The following LIPI variants were observed in gnomAD, a reference collection of about 807,000 sequenced individuals.
LIPI encodes the protein lipase member I.
Under a neutral mutation model 50.6 loss-of-function variants are expected in LIPI, and 59 were observed. The observed-to-expected ratio is 1.16, with a 90% CI of 0.94 to 1.45. LIPI has a LOEUF of 1.45. Among genes scored for constraint, LIPI ranks in the 40% most tolerant of loss-of-function variants. LIPI has a pLI of 0.00. For missense variants in LIPI, 586 were observed against 536.3 expected, an observed-to-expected ratio of 1.09 and a Z score of -0.92; for synonymous variants, 203 against 178.2, an observed-to-expected ratio of 1.14 and a Z score of -1.11.
At chr21:14,210,214 T>A (rs1336248457) in intron 1 of LIPI, among the ~76,000 whole-genome samples, 1 of 151,936 alleles carries the variant, frequency 6.6e-6, no homozygotes, top group Non-Finnish European at 1.5e-5. Flanking sequence ...AATTCTACTT[T>A]CTCATAAAGT....
chr21:14,153,831 T>C (rs1389338476), intron 7 of LIPI, among the ~76,000 whole-genome samples: 2 of 152,186 alleles, frequency 1.3e-5, no homozygotes, highest in Non-Finnish European at 2.9e-5. Context: ...AGGAAAATTC[T>C]TCCTATTTTT....
intron 9 of LIPI, among the ~76,000 whole-genome samples, chr21:14,119,036 G>T (rs1277434133): frequency 6.6e-6 from 1 of 152,174 alleles, no homozygotes; most frequent in Non-Finnish European, 1.5e-5. Context: ...ACAAATACCT[G>T]CTAGTGCTGC....
At chr21:14,126,312 T>C (rs1331236102) in intron 9 of LIPI, among the ~76,000 whole-genome samples, 1 of 152,216 alleles carries the variant, frequency 6.6e-6, no homozygotes, top group African/African-American at 2.4e-5. Context: ...GTCCTCTTAC[T>C]GGTGGATGAA....
chr21:14,172,019 A>G (rs1374905296), intron 4 of LIPI, among the ~76,000 whole-genome samples: 1 of 152,106 alleles, frequency 6.6e-6, no homozygotes, highest in East Asian at 1.9e-4. Context: ...CAAATTTACA[A>G]GAAAAAAACA....
chr21:14,182,226 A>G (rs1246671175), intron 3 of LIPI, among the ~76,000 whole-genome samples: 1 of 152,186 alleles, frequency 6.6e-6, no homozygotes, highest in Non-Finnish European at 1.5e-5. Flanking sequence ...TGAACTCTGT[A>G]CATTACTAGC....
chr21:14,183,845 T>C (rs1158082368), intron 3 of LIPI, among the ~76,000 whole-genome samples: 1 of 152,150 alleles, frequency 6.6e-6, no homozygotes, highest in South Asian at 2.1e-4. Context: ...GGAGAGGATG[T>C]GGAGAAATAG....
At chr21:14,131,524 C>A (rs1453056949) in intron 9 of LIPI, among the ~76,000 whole-genome samples, 3 of 152,106 alleles carry the variant, frequency 2.0e-5, no homozygotes, top group African/African-American at 7.2e-5. Flanking sequence ...CCAATATATC[C>A]TACTCAACCA....
intron 1 of LIPI, among the ~76,000 whole-genome samples, chr21:14,196,128 T>TG (rs1164356641): frequency 9.5e-5 from 14 of 147,406 alleles, no homozygotes; most frequent in Admixed American, 7.5e-4. Context: ...TTCGTAGCGT[T>TG]TTTTTTTTTT....
At chr21:14,133,996 C>T (rs767466508) in intron 9 of LIPI, among the ~76,000 whole-genome samples, 1 of 152,068 alleles carries the variant, frequency 6.6e-6, no homozygotes, top group Non-Finnish European at 1.5e-5. Flanking sequence ...GAGGCTGAAG[C>T]TGGAGGATTG....
intron 7 of LIPI, among the ~76,000 whole-genome samples, chr21:14,156,884 A>G (rs2018291628): frequency 1.3e-5 from 2 of 151,878 alleles, no homozygotes; most frequent in South Asian, 4.1e-4. Flanking sequence ...GGTGAGAAAT[A>G]TGGATGTCTA....
chr21:14,161,970 A>G (rs898367570), intron 7 of LIPI, among the ~76,000 whole-genome samples: 1 of 142,452 alleles, frequency 7.0e-6, no homozygotes, highest in African/African-American at 2.6e-5. Flanking sequence ...ACTCAGCATA[A>G]TTCCCTGGAG....
At chr21:14,202,474 C>T (rs1446874189) in intron 1 of LIPI, among the ~76,000 whole-genome samples, 1 of 151,946 alleles carries the variant, frequency 6.6e-6, no homozygotes, top group Admixed American at 6.6e-5. Flanking sequence ...GGTACTGGTA[C>T]CAAAACAGAG....
chr21:14,167,333 C>T (rs1004330105), intron 4 of LIPI, among the ~76,000 whole-genome samples: 4 of 152,210 alleles, frequency 2.6e-5, no homozygotes, highest in African/African-American at 9.6e-5. Flanking sequence ...ACTTAAATGT[C>T]TCTGTCTGAC....
rs556128105 is a variant in LIPI at position 14,190,056 on chromosome 21, A to G, written c.47-637T>C. 3.7e-4 allele frequency among the ~76,000 whole-genome samples: 56 copies of G among 152,212 alleles called. No individual in the cohort carries two copies. In the South Asian group the frequency reaches 0.011, roughly 30 times the overall value. ...ATTTGTAATAAGTGTAAAGACTTTA[A>G]CCGCTGGGTTATGTATAATGGGACA... On this transcript the variant is annotated intron_variant, in intron 1 of 9. Transcript: ENST00000681601.
chr21:14,206,560 T>A (rs1190578249), intron 1 of LIPI, among the ~76,000 whole-genome samples: 2 of 144,872 alleles, frequency 1.4e-5, no homozygotes, highest in Admixed American at 1.4e-4. Flanking sequence ...TCCTCACACA[T>A]CTTAGAAAGA....
intron 9 of LIPI, among the ~76,000 whole-genome samples, chr21:14,139,934 C>T (rs368029799): frequency 2.6e-5 from 4 of 152,018 alleles, no homozygotes; most frequent in South Asian, 2.1e-4. Flanking sequence ...GTAGTCAAGG[C>T]GTTGAAATTG....
At chr21:14,204,823 A>AAT (rs1568887728) in intron 1 of LIPI, among the ~76,000 whole-genome samples, 1 of 151,936 alleles carries the variant, frequency 6.6e-6, no homozygotes, top group South Asian at 2.1e-4. Context: ...GGACACAGTT[A>AAT]ATATATATAT....
chr21:14,135,505 A>C (rs78789507), intron 9 of LIPI, among the ~76,000 whole-genome samples: 10,119 of 152,244 alleles, frequency 0.066, 469 homozygotes, highest in Non-Finnish European at 0.1. Context: ...TAGGGGAAGG[A>C]GAACACAGCA....
chr21:14,114,899 G>T (rs963712401), intron 9 of LIPI, among the ~76,000 whole-genome samples: 11 of 152,072 alleles, frequency 7.2e-5, no homozygotes, highest in African/African-American at 2.4e-4. Flanking sequence ...ATTATCTTTG[G>T]GGCAACAAAG....
Sources: allele counts gnomAD v4.1 joint callset (sites outside exome capture counted in the v4.1 genomes callset), GRCh38; gene constraint gnomAD v4.1.1; transcripts MANE v1.5; gene names NCBI Gene and HGNC (gene_info 2026-07-23, HGNC 2026-07-21).